PDE4B: variants seen among roughly 807,000 people sequenced by gnomAD.
The protein encoded by PDE4B is 3',5'-cyclic-AMP phosphodiesterase 4B.
Under a neutral mutation model 82.2 loss-of-function variants are expected in PDE4B, and 20 were observed. That is an observed-to-expected ratio of 0.24 (90% CI 0.17 to 0.35). The LOEUF (loss-of-function observed/expected upper bound fraction) is 0.35. Ranked by LOEUF, PDE4B falls within the 10% of genes least tolerant of loss-of-function variation. The probability of loss-of-function intolerance (pLI) is 1.00; values close to 1 mark genes in which losing one functional copy is unlikely to be tolerated. For missense variants in PDE4B, 655 were observed against 907.2 expected, an observed-to-expected ratio of 0.72 and a Z score of 3.57; for synonymous variants, 320 against 318.9, an observed-to-expected ratio of 1.00 and a Z score of -0.04.
intron 8 of PDE4B, among the ~76,000 whole-genome samples, chr1:66,350,558 G>A (rs1661746478): frequency 1.3e-5 from 2 of 152,018 alleles, no homozygotes; most frequent in African/African-American, 4.8e-5. Flanking sequence ...CTTAGAAGAA[G>A]CTCTTTCATG....
intron 6 of PDE4B, among the ~76,000 whole-genome samples, chr1:66,263,187 T>C (rs944713301): frequency 6.6e-6 from 1 of 152,046 alleles, no homozygotes; most frequent in African/African-American, 2.4e-5. Flanking sequence ...AAATACAATA[T>C]AGAATGAGCA....
intron 7 of PDE4B, among the ~76,000 whole-genome samples, chr1:66,269,110 C>A (rs1048722235): frequency 6.6e-6 from 1 of 152,184 alleles, no homozygotes; most frequent in Non-Finnish European, 1.5e-5. Flanking sequence ...ATATTTTTAT[C>A]TCTATTGCTA....
chr1:65,860,912 A>C (rs1023239681), intron 1 of PDE4B, among the ~76,000 whole-genome samples: 2 of 152,000 alleles, frequency 1.3e-5, no homozygotes, highest in African/African-American at 4.8e-5. Context: ...TTTTCTTGTA[A>C]ATTTGTTTAA....
In PDE4B at chr1:66,146,170, A is replaced by G. The variant is rs151206750; in HGVS notation, c.282-101290A>G. ...AGGAGAAGGCCATTGCCTGGGTAGC[A>G]TGCTTTTTTTTTTTTTTTTTTTTTT... On this transcript the variant is annotated intron_variant, in intron 3 of 16. Transcript: ENST00000341517. Among the ~76,000 whole-genome samples, 908 of 119,694 alleles carry G rather than the reference A, an allele frequency of 7.6e-3. 15 individuals carry two copies. The highest frequency in any genetic ancestry group is 0.027 in the African/African-American group (850 of 31,482). 78.5% of individuals were successfully genotyped at this position (119,694 alleles called of 152,430 possible).
intron 3 of PDE4B, among the ~76,000 whole-genome samples, chr1:65,973,988 T>C (rs1056096122): frequency 6.6e-6 from 1 of 151,990 alleles, no homozygotes; most frequent in Non-Finnish European, 1.5e-5. Flanking sequence ...AATTTTTGGA[T>C]TTTTAGTAGA....
chr1:66,186,225 T>C (rs540236009), intron 3 of PDE4B, among the ~76,000 whole-genome samples: 20 of 152,296 alleles, frequency 1.3e-4, no homozygotes, highest in African/African-American at 4.6e-4. Context: ...CCATGCTGTT[T>C]TGGTTACTGT....
At chr1:65,804,205 G>T (rs1440501843) in intron 1 of PDE4B, among the ~76,000 whole-genome samples, 1 of 152,180 alleles carries the variant, frequency 6.6e-6, no homozygotes, top group African/African-American at 2.4e-5. Context: ...GTGTTTACAT[G>T]AAATTGTCAT....
At chr1:65,906,797 T>A (rs1253969350) in intron 1 of PDE4B, among the ~76,000 whole-genome samples, 1 of 152,148 alleles carries the variant, frequency 6.6e-6, no homozygotes, top group African/African-American at 2.4e-5. Flanking sequence ...ATAGTAGAAA[T>A]TGGTTTAAGT....
intron 3 of PDE4B, among the ~76,000 whole-genome samples, chr1:65,920,959 C>CTTTTTTTTTTTT (rs71058435): frequency 1.5e-5 from 1 of 68,176 alleles, no homozygotes; most frequent in Admixed American, 2.0e-4. Context: ...AAAAGCATTT[C>CTTTTTTTTTTTT]TTTTTTTTTT....
At chr1:66,098,326 G>A (rs1645156347) in intron 3 of PDE4B, among the ~76,000 whole-genome samples, 1 of 152,208 alleles carries the variant, frequency 6.6e-6, no homozygotes, top group Middle Eastern at 3.4e-3. Flanking sequence ...GCCAGTCTCT[G>A]TCTGGGTTCC....
intron 3 of PDE4B, among the ~76,000 whole-genome samples, chr1:66,213,791 C>G (rs1445784082): frequency 6.6e-6 from 1 of 152,076 alleles, no homozygotes; most frequent in Non-Finnish European, 1.5e-5. Flanking sequence ...ATTTAGTGCT[C>G]TACTTTTTCA....
At chr1:65,970,532 A>G (rs1650074611) in intron 3 of PDE4B, among the ~76,000 whole-genome samples, 1 of 152,192 alleles carries the variant, frequency 6.6e-6, no homozygotes, top group South Asian at 2.1e-4. Context: ...AGGACTTAAA[A>G]TATAAAGATT....
At chr1:66,185,597 A>G (rs1194070750) in intron 3 of PDE4B, among the ~76,000 whole-genome samples, 10 of 152,046 alleles carry the variant, frequency 6.6e-5, no homozygotes, top group Non-Finnish European at 5.9e-5. Flanking sequence ...GCCAGTGATG[A>G]TGAGCATTTT....
At chr1:66,316,581 G>T (rs762828198) in intron 7 of PDE4B, among the ~76,000 whole-genome samples, 1 of 152,208 alleles carries the variant, frequency 6.6e-6, no homozygotes, top group African/African-American at 2.4e-5. Context: ...GGGGGAGATT[G>T]ATTTAAGCCA....
chr1:65,898,162 T>G (rs1306821913), intron 1 of PDE4B, among the ~76,000 whole-genome samples: 1 of 152,116 alleles, frequency 6.6e-6, no homozygotes, highest in Non-Finnish European at 1.5e-5. Context: ...TCATGTCCTT[T>G]GCCCATTTTT....
intron 1 of PDE4B, among the ~76,000 whole-genome samples, chr1:65,884,751 A>T (rs143982052): frequency 3.2e-4 from 48 of 152,360 alleles, no homozygotes; most frequent in Admixed American, 1.6e-3. Flanking sequence ...TAAAACCATG[A>T]AAACCCTAGA....
At position 66,330,842 on chromosome 1, in the gene PDE4B, A is replaced by G. The variant is rs1289942536; in HGVS notation, c.635-1666A>G. On this transcript the variant is annotated intron_variant, in intron 7 of 16. Transcript: ENST00000341517. ...TGAAGATGAAGAAAGGAAGGAAGGT[A>G]TGTGTAAGTCTGGCTTGAAATGAGT... The G allele has an allele frequency of 1.3e-5, 12 of 953,934 alleles. No homozygotes were observed. The Admixed American group carries it at 7.4e-4, about 59-fold the overall frequency. 59.1% of individuals were successfully genotyped at this position (953,934 alleles called of 1,614,324 possible).
intron 7 of PDE4B, among the ~76,000 whole-genome samples, chr1:66,305,586 G>A (rs867915752): frequency 6.6e-6 from 1 of 152,058 alleles, no homozygotes; most frequent in African/African-American, 2.4e-5. Flanking sequence ...GGTGGACCAG[G>A]GTGATTTGTG....
intron 3 of PDE4B, among the ~76,000 whole-genome samples, chr1:66,050,222 A>G (rs1419341068): frequency 6.6e-6 from 1 of 152,116 alleles, no homozygotes; most frequent in East Asian, 1.9e-4. Context: ...ATTGAGTATC[A>G]GTAGAAAAAT....
Sources: allele counts gnomAD v4.1 joint callset (sites outside exome capture counted in the v4.1 genomes callset), GRCh38; gene constraint gnomAD v4.1.1; transcripts MANE v1.5; gene names NCBI Gene and HGNC (gene_info 2026-07-23, HGNC 2026-07-21).